CSMD1: variants seen among roughly 807,000 people sequenced by gnomAD.
The protein encoded by CSMD1 is CUB and sushi domain-containing protein 1.
In CSMD1, 213 loss-of-function variants were observed where a neutral mutation model predicts 417.5. That is an observed-to-expected ratio of 0.51 (90% CI 0.46 to 0.57). The LOEUF (loss-of-function observed/expected upper bound fraction) is 0.57. Ranked by LOEUF, CSMD1 falls within the 20% of genes least tolerant of loss-of-function variation. CSMD1 has a pLI of 0.00. For synonymous variants in CSMD1, 2,862 were observed against 1,736.8 expected, an observed-to-expected ratio of 1.65 and a Z score of -16.11; for missense variants, 6,923 against 4,529.7, an observed-to-expected ratio of 1.53 and a Z score of -15.17.
chr8:3,661,421 TG>T (rs1798410244), intron 7 of CSMD1, among the ~76,000 whole-genome samples: 1 of 152,206 alleles, frequency 6.6e-6, no homozygotes, highest in African/African-American at 2.4e-5. Context: ...ACCACGTGGC[TG>T]TGCTGAGGCT....
chr8:4,130,219 T>G (rs1170932321), intron 3 of CSMD1, among the ~76,000 whole-genome samples: 1 of 152,174 alleles, frequency 6.6e-6, no homozygotes, highest in Admixed American at 6.5e-5. Flanking sequence ...CCTCACTTTC[T>G]TCTTGTCAGT....
At chr8:4,574,203 G>T (rs1429170780) in intron 2 of CSMD1, among the ~76,000 whole-genome samples, 1 of 152,140 alleles carries the variant, frequency 6.6e-6, no homozygotes, top group Non-Finnish European at 1.5e-5. Flanking sequence ...CTCGGTATCT[G>T]TCTGAACAGC....
At chr8:4,515,135 G>C (rs1803046255) in intron 2 of CSMD1, among the ~76,000 whole-genome samples, 1 of 152,188 alleles carries the variant, frequency 6.6e-6, no homozygotes, top group Non-Finnish European at 1.5e-5. Flanking sequence ...TTACTGGTCG[G>C]TGTGGTGTGG....
chr8:4,019,740 G>C (rs138936671), intron 4 of CSMD1, among the ~76,000 whole-genome samples: 1,989 of 152,110 alleles, frequency 0.013, 19 homozygotes, highest in Middle Eastern at 0.034. Flanking sequence ...GCCTGTTGTA[G>C]AAGTAGTTTT....
rs567864224 is a variant in CSMD1 at position 4,506,269 on chromosome 8, A to AT, written c.303-86205_303-86204insA. ...CACCTCACTAATGTGTTCCAGGAAC[A>AT]GACGGATTCATGGAAGCTTCGGTGA... On this transcript the variant is annotated intron_variant, in intron 2 of 69. Coordinates refer to ENST00000635120, the MANE Select transcript of CSMD1 (RefSeq NM_033225.6). 3.2e-3 allele frequency among the ~76,000 whole-genome samples: 492 copies of AT among 152,294 alleles called. 3 individuals are homozygous for AT. The highest frequency in any genetic ancestry group is 0.011 in the African/African-American group (451 of 41,562).
At chr8:4,184,539 G>T (rs898512362) in intron 3 of CSMD1, among the ~76,000 whole-genome samples, 8 of 152,096 alleles carry the variant, frequency 5.3e-5, no homozygotes, top group Non-Finnish European at 1.0e-4. Flanking sequence ...CCATAAAAAA[G>T]GACAAGATTA....
At chr8:3,665,688 G>C (rs535426170) in intron 7 of CSMD1, among the ~76,000 whole-genome samples, 122 of 152,200 alleles carry the variant, frequency 8.0e-4, no homozygotes, top group African/African-American at 2.9e-3. Context: ...TAAAACTCAG[G>C]AAATGTGAAA....
chr8:4,557,068 T>G (rs1325197485), intron 2 of CSMD1, among the ~76,000 whole-genome samples: 1 of 152,198 alleles, frequency 6.6e-6, no homozygotes, highest in Non-Finnish European at 1.5e-5. Flanking sequence ...CACTTATGGG[T>G]CATGAAACAT....
In CSMD1 at chr8:3,703,533, G is replaced by A. The variant is rs1006003007; in HGVS notation, c.1009+4881C>T. On this transcript the variant is annotated intron_variant, in intron 7 of 69. Coordinates refer to ENST00000635120, the MANE Select transcript of CSMD1 (RefSeq NM_033225.6). Reference sequence around the variant, plus strand: ...GCTTGGGCTGTCAGGGGATGAGGAGGTATGGTGTGTGATCTGTGGGTCATG... The same window carrying A: ...GCTTGGGCTGTCAGGGGATGAGGAGATATGGTGTGTGATCTGTGGGTCATG... Among the ~76,000 whole-genome samples the A allele has an allele frequency of 1.1e-4, 17 of 152,186 alleles. No individual in the cohort carries two copies. In the East Asian group the frequency reaches 3.3e-3, roughly 29 times the overall value.
At chr8:4,597,753 C>T (rs1172245092) in intron 2 of CSMD1, among the ~76,000 whole-genome samples, 1 of 152,054 alleles carries the variant, frequency 6.6e-6, no homozygotes, top group Non-Finnish European at 1.5e-5. Context: ...TCTTCTACTT[C>T]AGTTTAAAAA....
intron 3 of CSMD1, among the ~76,000 whole-genome samples, chr8:4,316,642 G>T (rs911943174): frequency 6.6e-6 from 1 of 152,012 alleles, no homozygotes; most frequent in East Asian, 1.9e-4. Flanking sequence ...ACGACAATGG[G>T]GTACACTGTG....
chr8:3,750,339 A>G (rs1468869636), intron 6 of CSMD1, among the ~76,000 whole-genome samples: 1 of 149,798 alleles, frequency 6.7e-6, no homozygotes, highest in African/African-American at 2.4e-5. Context: ...TATCTTATAT[A>G]TATCATATAT....
intron 25 of CSMD1, among the ~76,000 whole-genome samples, chr8:3,286,427 G>C (rs1803163619): frequency 1.3e-5 from 2 of 152,100 alleles, no homozygotes; most frequent in East Asian, 1.9e-4. Flanking sequence ...GGTTGAACTA[G>C]TTTACAGTCC....
At chr8:4,208,308 G>A (rs560017178) in intron 3 of CSMD1, among the ~76,000 whole-genome samples, 2 of 152,122 alleles carry the variant, frequency 1.3e-5, no homozygotes, top group Non-Finnish European at 2.9e-5. Flanking sequence ...AAAAAGACTG[G>A]AGAAGAAATA....
At chr8:3,275,067 C>A (rs973023376) in intron 26 of CSMD1, among the ~76,000 whole-genome samples, 1 of 152,132 alleles carries the variant, frequency 6.6e-6, no homozygotes, top group Non-Finnish European at 1.5e-5. Flanking sequence ...TGCCTGGTAC[C>A]TTTTGTTCCT....
chr8:3,167,291 G>GAAAAGAAAAAAAAAAAAAAAAA (rs547453018), intron 37 of CSMD1, among the ~76,000 whole-genome samples: 1 of 102,598 alleles, frequency 9.7e-6, no homozygotes, highest in African/African-American at 3.5e-5. Flanking sequence ...CTTGGAAAAA[G>GAAAAGAAAAAAAAAAAAAAAAA]AAAAAAAAAA....
intron 3 of CSMD1, among the ~76,000 whole-genome samples, chr8:4,092,780 T>C (rs1341179392): frequency 6.6e-6 from 1 of 152,192 alleles, no homozygotes; most frequent in Non-Finnish European, 1.5e-5. Context: ...TACTGTATTA[T>C]TTCATGAAAT....
At chr8:4,438,686 A>G (rs1252452056) in intron 2 of CSMD1, among the ~76,000 whole-genome samples, 1 of 152,150 alleles carries the variant, frequency 6.6e-6, no homozygotes, top group African/African-American at 2.4e-5. Flanking sequence ...ACTTATGCAA[A>G]CTCTTGCGGC....
At chr8:3,951,330 G>A (rs1192038460) in intron 5 of CSMD1, among the ~76,000 whole-genome samples, 1 of 152,304 alleles carries the variant, frequency 6.6e-6, no homozygotes, top group African/African-American at 2.4e-5. Flanking sequence ...TTAAGCACCA[G>A]CCCAGTGTCC....
Sources: allele counts gnomAD v4.1 joint callset (sites outside exome capture counted in the v4.1 genomes callset), GRCh38; gene constraint gnomAD v4.1.1; transcripts MANE v1.5; gene names NCBI Gene and HGNC (gene_info 2026-07-23, HGNC 2026-07-21).